METTL4: variants seen among roughly 807,000 people sequenced by gnomAD.
METTL4 encodes the protein methyltransferase 4, N6-adenosine, also known as N(6)-adenine-specific methyltransferase METTL4.
METTL4 carries 40 observed loss-of-function variants against 54.0 expected under a neutral mutation model. The ratio of observed to expected loss-of-function variants is 0.74; its 90% CI spans 0.58 to 0.96. The LOEUF is 0.96. METTL4 is among the 50% of genes least tolerant of loss of function. METTL4 has a pLI of 0.00. For missense variants in METTL4, 525 were observed against 549.0 expected (o/e 0.96, Z 0.44); for synonymous variants, 169 against 183.8 (o/e 0.92, Z 0.65).
rs1193774975 is a variant in METTL4 at position 2,538,163 on chromosome 18, T to C, written c.*837A>G. 2 of 375,732 alleles carry C rather than the reference T, an allele frequency of 5.3e-6. No individual in the cohort carries two copies. Among genetic ancestry groups the C allele is most frequent in the Non-Finnish European group, 9.4e-6 (2 of 212,898 alleles). The allele number at this position is 375,732 out of a possible 1,614,324, so 23.3% of individuals were successfully genotyped here. A position where few individuals can be genotyped will look rare whatever the true frequency, so the allele number is the denominator to read the frequency against. On this transcript the variant is annotated 3_prime_UTR_variant, in exon 9 of 9. Coordinates refer to ENST00000574538, the MANE Select transcript of METTL4 (RefSeq NM_022840.5). ...TACTTGGTAGACAAATATTTATTTG[T>C]AGAAAATCTATAAATAATATTTTTT...
intron 2 of METTL4, among the ~76,000 whole-genome samples, chr18:2,566,001 A>C (rs918429019): frequency 1.7e-4 from 25 of 150,822 alleles, no homozygotes; most frequent in African/African-American, 2.7e-4. Context: ...GAGCTGAGAT[A>C]GCACCACTGC....
Position 2,538,933 on chromosome 18 carries a change from G to T in METTL4, c.*67C>A. 1 of 1,524,486 alleles carries T rather than the reference G, an allele frequency of 6.6e-7. No individual in the cohort carries two copies. Among genetic ancestry groups the T allele is most frequent in the South Asian group, 1.2e-5 (1 of 82,276 alleles). The allele number at this position is 1,524,486 out of a possible 1,614,324, so 94.4% of individuals were successfully genotyped here. ...TGGGTTGGTAACAAAATAAAAAAAT[G>T]ACTTAGAATTAAGGGAAAAGTGGTG... On this transcript the variant is annotated 3_prime_UTR_variant, in exon 9 of 9. Transcript: ENST00000574538.
At chr18:2,551,150 C>T (rs1405149400) in intron 5 of METTL4, among the ~76,000 whole-genome samples, 2 of 116,788 alleles carry the variant, frequency 1.7e-5, no homozygotes, top group East Asian at 2.3e-4. Flanking sequence ...GGCGACAGAA[C>T]GAGACTCCGT....
At chr18:2,542,362 C>CG (rs553820942) in intron 8 of METTL4, among the ~76,000 whole-genome samples, 99 of 129,026 alleles carry the variant, frequency 7.7e-4, no homozygotes, top group African/African-American at 2.8e-3. Flanking sequence ...CCCCCTCCCC[C>CG]CACCCCACAA....
intron 6 of METTL4, among the ~76,000 whole-genome samples, chr18:2,545,354 G>A (rs2072055319): frequency 6.6e-6 from 1 of 151,984 alleles, no homozygotes; most frequent in South Asian, 2.1e-4. Flanking sequence ...TAAATGAATT[G>A]CAATATGACT....
chr18:2,541,456 C>G (rs992640048), intron 8 of METTL4, among the ~76,000 whole-genome samples: 14 of 152,178 alleles, frequency 9.2e-5, no homozygotes, highest in African/African-American at 3.1e-4. Flanking sequence ...CTAAACTTCA[C>G]TCTTCAGATG....
chr18:2,571,068 C>G (rs2072497241), intron 1 of METTL4, 81 bp downstream of exon 1: 1 of 152,420 alleles, frequency 6.6e-6, no homozygotes, highest in African/African-American at 2.4e-5. Flanking sequence ...TGATCAAATA[C>G]TGAGCCCGAA....
chr18:2,544,478 A>G (rs1369313618), intron 7 of METTL4, among the ~76,000 whole-genome samples, 175 bp downstream of exon 7: 1 of 152,022 alleles, frequency 6.6e-6, no homozygotes, highest in Non-Finnish European at 1.5e-5. Flanking sequence ...TGACAATTAC[A>G]CACTAGATAA....
chr18:2,545,635 T>C (rs539849201), intron 6 of METTL4, among the ~76,000 whole-genome samples: 31 of 152,252 alleles, frequency 2.0e-4, no homozygotes, highest in African/African-American at 7.2e-4. Flanking sequence ...ATTTTCACTG[T>C]CAGAATACTG....
chr18:2,545,832 A>G (rs2072061740), intron 6 of METTL4, among the ~76,000 whole-genome samples: 1 of 152,104 alleles, frequency 6.6e-6, no homozygotes, highest in Non-Finnish European at 1.5e-5. Context: ...AACAATATGT[A>G]TAATTGCCTA....
intron 5 of METTL4, 38 bp from the exon 6 acceptor site, chr18:2,547,567 T>G: frequency 1.3e-6 from 2 of 1,497,880 alleles, no homozygotes; most frequent in Non-Finnish European, 1.8e-6. Context: ...CAAAATTCAC[T>G]GCAAAAGAAG....
At chr18:2,551,136 C>G (rs2072152682) in intron 5 of METTL4, among the ~76,000 whole-genome samples, 1 of 142,304 alleles carries the variant, frequency 7.0e-6, no homozygotes, top group Non-Finnish European at 1.5e-5. Flanking sequence ...TGCACTCCAG[C>G]CTGGGCGACA....
intron 2 of METTL4, among the ~76,000 whole-genome samples, chr18:2,565,635 A>G (rs747700585): frequency 1.3e-5 from 2 of 152,210 alleles, no homozygotes; most frequent in South Asian, 4.1e-4. Context: ...TTCGTATTTA[A>G]TATCTTTCTT....
chr18:2,544,005 A>T (rs112584625), intron 8 of METTL4, among the ~76,000 whole-genome samples, 190 bp downstream of exon 8: 6 of 152,342 alleles, frequency 3.9e-5, no homozygotes, highest in African/African-American at 1.4e-4. Flanking sequence ...GAGTAACATA[A>T]AACTAATCTA....
intron 2 of METTL4, 23 bp from the exon 3 acceptor site, chr18:2,563,882 G>T: frequency 6.3e-7 from 1 of 1,576,388 alleles, no homozygotes. Flanking sequence ...TCAATTACAG[G>T]GGAAAAGTTA....
intron 1 of METTL4, chr18:2,568,846 T>G: frequency 4.6e-6 from 1 of 217,126 alleles, no homozygotes; most frequent in East Asian, 1.1e-4. Context: ...ACAGGGATGA[T>G]AATTGGGCCT....
At chr18:2,560,573 A>C (rs2143565441) in intron 3 of METTL4, among the ~76,000 whole-genome samples, 1 of 152,238 alleles carries the variant, frequency 6.6e-6, no homozygotes, top group South Asian at 2.1e-4. Flanking sequence ...CAAATAAAAC[A>C]TTAGCAAATA....
rs1409931536 is a variant in METTL4, at chr18:2,571,198, G to A, written c.-488C>T. ...CGCCGCCTTCCCAGACTCTCCTCAT[G>A]AAAACAGCACCCATCTAAATAGTGA... On this transcript the variant is annotated 5_prime_UTR_variant, in exon 1 of 9. Transcript: ENST00000574538. 1 of 152,300 alleles carries A rather than the reference G, an allele frequency of 6.6e-6. No individual in the cohort carries two copies. Among genetic ancestry groups the A allele is most frequent in the Admixed American group, 6.6e-5 (1 of 15,266 alleles). The allele number at this position is 152,300 out of a possible 1,614,324, so 9.4% of individuals were successfully genotyped here. A position where few individuals can be genotyped will look rare whatever the true frequency, so the allele number is the denominator to read the frequency against.
intron 8 of METTL4, 94 bp from the exon 9 acceptor site, chr18:2,539,239 T>C (rs2071957132): frequency 2.0e-6 from 2 of 1,025,014 alleles, no homozygotes; most frequent in South Asian, 3.0e-5. Context: ...AAATATTTCA[T>C]TTTGTTCTTA....
Sources: allele counts gnomAD v4.1 joint callset (sites outside exome capture counted in the v4.1 genomes callset), GRCh38; gene constraint gnomAD v4.1.1; transcripts MANE v1.5; gene names NCBI Gene and HGNC (gene_info 2026-07-23, HGNC 2026-07-21).